Variants in ICA1 observed in about 807,000 individuals in gnomAD.
ICA1 encodes the protein islet cell autoantigen 1, also known as 69 kDa islet cell autoantigen.
A neutral mutation model predicts 71.0 loss-of-function variants in ICA1; 40 were observed. The ratio of observed to expected loss-of-function variants is 0.56; its 90% CI spans 0.44 to 0.73. ICA1 has a LOEUF of 0.73. ICA1 is among the 30% of genes least tolerant of loss of function. ICA1 has a pLI of 0.00. For synonymous variants in ICA1, 207 were observed against 209.5 expected (o/e 0.99, Z 0.10); for missense variants, 578 against 576.5 (o/e 1.00, Z -0.03).
At chr7:8,180,016 A>T (rs1781734516) in intron 6 of ICA1, among the ~76,000 whole-genome samples, 1 of 151,744 alleles carries the variant, frequency 6.6e-6, no homozygotes, top group South Asian at 2.1e-4. Context: ...AGCTGCTTAG[A>T]TTTTGTTGTT....
At chr7:8,260,574 G>A (rs917670927) in intron 1 of ICA1, among the ~76,000 whole-genome samples, 30 of 152,100 alleles carry the variant, frequency 2.0e-4, no homozygotes, top group African/African-American at 7.2e-4. Flanking sequence ...ATTTCCCTTT[G>A]TAATACAAAC....
chr7:8,250,831 C>T (rs1251640744), intron 1 of ICA1, among the ~76,000 whole-genome samples: 1 of 152,188 alleles, frequency 6.6e-6, no homozygotes, highest in East Asian at 1.9e-4. Context: ...TTTAACACTA[C>T]AGATGCAAGC....
At chr7:8,241,747 A>T (rs1238241741) in intron 1 of ICA1, among the ~76,000 whole-genome samples, 1 of 152,176 alleles carries the variant, frequency 6.6e-6, no homozygotes, top group Non-Finnish European at 1.5e-5. Context: ...AAAGCAAAAA[A>T]ACAGCAGGGG....
chr7:8,156,832 C>T, intron 8 of ICA1: 4 of 1,483,864 alleles, frequency 2.7e-6, no homozygotes, highest in Non-Finnish European at 2.7e-6. Flanking sequence ...TCAAGTTCAC[C>T]ACAATTCATC....
intron 6 of ICA1, among the ~76,000 whole-genome samples, chr7:8,212,500 G>T (rs1422852387): frequency 2.5e-4 from 1 of 3,958 alleles, no homozygotes; most frequent in Non-Finnish European, 3.4e-4. Context: ...GGGAAGCGGA[G>T]GTTGCAGTGA....
At chr7:8,209,105 TG>T (rs1330718739) in intron 6 of ICA1, among the ~76,000 whole-genome samples, 2 of 152,230 alleles carry the variant, frequency 1.3e-5, no homozygotes, top group Non-Finnish European at 2.9e-5. Flanking sequence ...AAAACTATCT[TG>T]GACCAGATCA....
chr7:8,250,317 G>A (rs1356105389), intron 1 of ICA1, among the ~76,000 whole-genome samples: 3 of 152,040 alleles, frequency 2.0e-5, no homozygotes, highest in Admixed American at 2.0e-4. Context: ...AATTCCTCCA[G>A]GCATAATTAA....
At chr7:8,160,324 A>T (rs1803294676) in intron 6 of ICA1, among the ~76,000 whole-genome samples, 1 of 152,204 alleles carries the variant, frequency 6.6e-6, no homozygotes, top group African/African-American at 2.4e-5. Context: ...CTAACAGTGA[A>T]TACAATTTAC....
At chr7:8,242,461 C>G (rs1052944253) in intron 1 of ICA1, among the ~76,000 whole-genome samples, 9 of 152,086 alleles carry the variant, frequency 5.9e-5, no homozygotes, top group African/African-American at 2.2e-4. Context: ...CAAGAGAAAG[C>G]AGGAAAGATC....
At chr7:8,193,756 T>C (rs575304017) in intron 6 of ICA1, among the ~76,000 whole-genome samples, 3 of 152,326 alleles carry the variant, frequency 2.0e-5, no homozygotes, top group South Asian at 4.1e-4. Flanking sequence ...TATTACATTA[T>C]ACTTTGCCTG....
At chr7:8,159,529 C>T (rs10276459) in intron 6 of ICA1, among the ~76,000 whole-genome samples, 129,270 of 151,996 alleles carry the variant, frequency 0.85, 55,365 homozygotes, top group African/African-American at 0.95. Flanking sequence ...CTGGGCAAAA[C>T]GGTGAAACCC....
At chr7:8,199,765 G>C (rs1285484408) in intron 6 of ICA1, among the ~76,000 whole-genome samples, 1 of 152,126 alleles carries the variant, frequency 6.6e-6, no homozygotes, top group African/African-American at 2.4e-5. Context: ...CAACAACATG[G>C]ATGGAACTGG....
intron 3 of ICA1, 21 bp downstream of exon 3, chr7:8,232,569 T>G: frequency 6.3e-7 from 1 of 1,591,254 alleles, no homozygotes; most frequent in Non-Finnish European, 8.6e-7. Context: ...GTGTTGGGGC[T>G]GACAGCAATA....
intron 1 of ICA1, among the ~76,000 whole-genome samples, chr7:8,260,185 A>C (rs1326174714): frequency 6.6e-6 from 1 of 152,186 alleles, no homozygotes. Context: ...GTTATGGCAT[A>C]ACTACCAGAC....
At chr7:8,135,519 C>T (rs905363179) in intron 12 of ICA1, among the ~76,000 whole-genome samples, 3 of 152,328 alleles carry the variant, frequency 2.0e-5, no homozygotes, top group African/African-American at 2.4e-5. Flanking sequence ...GAACTTGCCA[C>T]TTCGTATGCG....
At chr7:8,195,982 C>T (rs1562948149) in intron 6 of ICA1, among the ~76,000 whole-genome samples, 1 of 110,782 alleles carries the variant, frequency 9.0e-6, no homozygotes, top group South Asian at 4.6e-4. Context: ...CGTCTCACAA[C>T]AACAACAACA....
chr7:8,230,145 C>A (rs1421228302), intron 3 of ICA1, among the ~76,000 whole-genome samples: 1 of 152,210 alleles, frequency 6.6e-6, no homozygotes, highest in Admixed American at 6.5e-5. Flanking sequence ...GTGACTCTGG[C>A]AAGAAGACTT....
chr7:8,118,158 A>G (rs1176151179), intron 13 of ICA1, among the ~76,000 whole-genome samples: 1 of 152,230 alleles, frequency 6.6e-6, no homozygotes, highest in Non-Finnish European at 1.5e-5. Context: ...AATAATACTC[A>G]CTGGTTGAAG....
At chr7:8,255,468 C>T (rs1809760854) in intron 1 of ICA1, among the ~76,000 whole-genome samples, 1 of 152,110 alleles carries the variant, frequency 6.6e-6, no homozygotes, top group African/African-American at 2.4e-5. Flanking sequence ...CTGTAAGGTT[C>T]CAAGCTTGGA....
Sources: gnomAD v4.1 joint callset for allele counts (sites outside exome capture counted in the v4.1 genomes callset) on GRCh38, gnomAD v4.1.1 for gene constraint, MANE v1.5 for transcripts, NCBI Gene and HGNC (gene_info 2026-07-23, HGNC 2026-07-21) for gene names.